The following TMTC2 variants were observed in gnomAD, a reference collection of about 807,000 sequenced individuals.
TMTC2 encodes the protein transmembrane O-mannosyltransferase targeting cadherins 2, also known as protein O-mannosyl-transferase TMTC2.
In TMTC2, 43 loss-of-function variants were observed where a neutral mutation model predicts 82.4. That is an observed-to-expected ratio of 0.52 (90% CI 0.41 to 0.67). The LOEUF (loss-of-function observed/expected upper bound fraction) is 0.67, where lower values mean the gene tolerates loss of function less well. Among genes scored for constraint, TMTC2 ranks in the 30% least tolerant of loss-of-function variants. TMTC2 has a pLI of 0.00. For missense variants in TMTC2, 919 were observed against 1,012.4 expected (o/e 0.91, Z 1.25); for synonymous variants, 408 against 381.9 (o/e 1.07, Z -0.80).
At chr12:83,078,757 T>C (rs1210178466) in intron 11 of TMTC2, among the ~76,000 whole-genome samples, 1 of 152,172 alleles carries the variant, frequency 6.6e-6, no homozygotes, top group African/African-American at 2.4e-5. Context: ...ATCTTCACTC[T>C]TTTATTCTGT....
rs71309537 is a variant in TMTC2 at position 82,940,014 on chromosome 12, C to CTTTT, written c.1598+9489_1598+9492dup. 1.3e-3 allele frequency among the ~76,000 whole-genome samples: 120 copies of CTTTT among 91,244 alleles called. 1 individual carries two copies. The highest frequency in any genetic ancestry group is 1.8e-3 in the Non-Finnish European group (85 of 46,066). The allele number at this position is 91,244 out of a possible 152,430, so 59.9% of individuals were successfully genotyped here. A position where few individuals can be genotyped will look rare whatever the true frequency, so the allele number is the denominator to read the frequency against. On this transcript the variant is annotated intron_variant, in intron 4 of 11. Coordinates refer to ENST00000321196, the MANE Select transcript of TMTC2 (RefSeq NM_152588.3). ...ACATGTATTTCTTTTTCTTTCTTTA[C>CTTTT]TTTTTTTTTTTTTTTTTTTTTTTGA... is the stretch of plus-strand genomic sequence containing the variant.
At chr12:82,755,004 C>T (rs118025101) in intron 1 of TMTC2, among the ~76,000 whole-genome samples, 7 of 152,340 alleles carry the variant, frequency 4.6e-5, no homozygotes, top group Admixed American at 2.6e-4. Context: ...GCAGCTTTCA[C>T]CAATCAAAGC....
intron 9 of TMTC2, among the ~76,000 whole-genome samples, chr12:83,032,255 TTTTATATA>T (rs955982144): frequency 4.7e-5 from 4 of 85,696 alleles, no homozygotes; most frequent in African/African-American, 2.1e-4. Context: ...ATAGAGAATA[TTTTATATA>T]TATATATATA....
Position 83,134,080 on chromosome 12 carries a change from T to C in TMTC2, c.*1691T>C, listed in dbSNP as rs924464931. On this transcript the variant is annotated 3_prime_UTR_variant, in exon 12 of 12. Coordinates refer to ENST00000321196, the MANE Select transcript of TMTC2 (RefSeq NM_152588.3). Reference sequence around the variant, plus strand: ...GGCATTAGTGTTTTTGTGAGAAGGGTAAATGTAGTGAGAAAGGTTTTTTCA... The same window carrying C: ...GGCATTAGTGTTTTTGTGAGAAGGGCAAATGTAGTGAGAAAGGTTTTTTCA... 8 of 152,566 alleles carry C rather than the reference T, an allele frequency of 5.2e-5. No individual in the cohort carries two copies. The highest frequency in any genetic ancestry group is 1.9e-4 in the African/African-American group (8 of 41,432). The allele number at this position is 152,566 out of a possible 1,614,324, so 9.5% of individuals were successfully genotyped here. A position where few individuals can be genotyped will look rare whatever the true frequency, so the allele number is the denominator to read the frequency against.
rs367851763 is a variant in TMTC2, at chr12:83,080,365, TTC to T, written c.2331+18554_2331+18555del. 1.9e-3 allele frequency among the ~76,000 whole-genome samples: 284 copies of T among 148,900 alleles called. 1 individual carries two copies. The highest frequency in any genetic ancestry group is 3.4e-3 in the Middle Eastern group (1 of 292). ...TTAAACCACTACTACAGATTCACCTTTCTCTCTCTCTCTCTCTCTCTGTGTGT... is the reference window on the plus strand; with the variant it reads ...TTAAACCACTACTACAGATTCACCTTTCTCTCTCTCTCTCTCTCTGTGTGT... On this transcript the variant is annotated intron_variant, in intron 11 of 11. Transcript: ENST00000321196.
At chr12:82,697,820 T>A (rs1394140407) in intron 1 of TMTC2, among the ~76,000 whole-genome samples, 1 of 152,006 alleles carries the variant, frequency 6.6e-6, no homozygotes, top group African/African-American at 2.4e-5. Context: ...CTAAATGGAG[T>A]CTCTAGAGTC....
intron 7 of TMTC2, among the ~76,000 whole-genome samples, chr12:82,976,988 G>A (rs779528492): frequency 6.6e-5 from 10 of 152,004 alleles, no homozygotes; most frequent in Non-Finnish European, 1.5e-4. Context: ...TCTGGACTTA[G>A]GTTGAAGACA....
chr12:83,028,181 T>C (rs116788733), intron 8 of TMTC2, among the ~76,000 whole-genome samples: 2 of 152,142 alleles, frequency 1.3e-5, no homozygotes, highest in African/African-American at 2.4e-5. Flanking sequence ...CACTGTCGAA[T>C]ATATATATGT....
At chr12:82,767,353 GGC>G (rs2136989988) in intron 1 of TMTC2, among the ~76,000 whole-genome samples, 2 of 152,332 alleles carry the variant, frequency 1.3e-5, no homozygotes, top group African/African-American at 4.8e-5. Context: ...GAGAGGCCAA[GGC>G]TAAGGATTGC....
At chr12:82,914,982 C>G (rs566045071) in intron 3 of TMTC2, among the ~76,000 whole-genome samples, 1 of 151,870 alleles carries the variant, frequency 6.6e-6, no homozygotes, top group East Asian at 1.9e-4. Flanking sequence ...TGCACCACCA[C>G]GCCCGGCTAA....
chr12:82,916,494 T>C (rs911492264), intron 3 of TMTC2, among the ~76,000 whole-genome samples: 1 of 151,980 alleles, frequency 6.6e-6, no homozygotes, highest in African/African-American at 2.4e-5. Flanking sequence ...AACCCCAAAA[T>C]AAAAATCGAA....
At chr12:82,926,486 A>T (rs2137236727) in intron 3 of TMTC2, among the ~76,000 whole-genome samples, 1 of 152,356 alleles carries the variant, frequency 6.6e-6, no homozygotes, top group African/African-American at 2.4e-5. Flanking sequence ...CATATTAAGT[A>T]CAGGGTGAAG....
chr12:82,852,194 C>T (rs568275301), intron 1 of TMTC2, among the ~76,000 whole-genome samples: 41 of 151,666 alleles, frequency 2.7e-4, no homozygotes, highest in South Asian at 2.1e-4. Context: ...CTCCGCCTCC[C>T]GGGTTCACAC....
intron 3 of TMTC2, among the ~76,000 whole-genome samples, chr12:82,911,809 C>T (rs1874679531): frequency 6.6e-6 from 1 of 151,986 alleles, no homozygotes; most frequent in Non-Finnish European, 1.5e-5. Flanking sequence ...GGGGTTTTGC[C>T]ATGTTTGCTA....
intron 9 of TMTC2, among the ~76,000 whole-genome samples, chr12:83,042,226 T>C (rs1881921240): frequency 6.6e-6 from 1 of 152,192 alleles, no homozygotes; most frequent in Admixed American, 6.5e-5. Context: ...CTCTCTCCAT[T>C]CTCATTACTG....
chr12:82,729,945 A>G (rs1874688155), intron 1 of TMTC2, among the ~76,000 whole-genome samples: 1 of 152,118 alleles, frequency 6.6e-6, no homozygotes. Context: ...GCGCTGCTTA[A>G]AGAGCTGTAA....
In TMTC2 at chr12:82,697,529, A is replaced by C. The variant is rs145948116; in HGVS notation, c.83+9860A>C. Among the ~76,000 whole-genome samples the C allele has an allele frequency of 5.4e-3, 819 of 152,232 alleles. 5 individuals carry two copies. Among genetic ancestry groups the C allele is most frequent in the Non-Finnish European group, 8.9e-3 (604 of 68,034 alleles). On this transcript the variant is annotated intron_variant, in intron 1 of 11. Transcript: ENST00000321196. ...TGAGTATAAGGTGTGCTTGTTATGGATATGACTTTAGACAGTTTATTTAAT... is the reference window on the plus strand; with the variant it reads ...TGAGTATAAGGTGTGCTTGTTATGGCTATGACTTTAGACAGTTTATTTAAT...
chr12:83,016,801 GTACCTGGGCAAGGTACTTAACCT>G (rs1322986254), intron 8 of TMTC2, among the ~76,000 whole-genome samples: 2 of 152,208 alleles, frequency 1.3e-5, no homozygotes, highest in Non-Finnish European at 2.9e-5. Context: ...TCAAGCTTCT[GTACCTGGGCAAGGTACTTAACCT>G]CTCTGTGCCT....
Position 82,701,759 on chromosome 12 carries a change from C to CA in TMTC2, c.83+14104dup, listed in dbSNP as rs1303971501. On this transcript the variant is annotated intron_variant, in intron 1 of 11. Transcript: ENST00000321196. ...CTGGGCAACGAGCAAAACTCCGTCTCAAAAAAAAAAAAAAGAAAAAAAGAA... is the reference window on the plus strand; with the variant it reads ...CTGGGCAACGAGCAAAACTCCGTCTCAAAAAAAAAAAAAAAGAAAAAAAGAA... Among the ~76,000 whole-genome samples the CA allele has an allele frequency of 9.7e-3, 917 of 94,886 alleles. 2 individuals carry two copies. The highest frequency in any genetic ancestry group is 0.019 in the African/African-American group (491 of 25,600). 62.2% of individuals were successfully genotyped at this position (94,886 alleles called of 152,430 possible).
Sources: allele counts gnomAD v4.1 joint callset (sites outside exome capture counted in the v4.1 genomes callset), GRCh38; gene constraint gnomAD v4.1.1; transcripts MANE v1.5; gene names NCBI Gene and HGNC (gene_info 2026-07-23, HGNC 2026-07-21).